The following CTDP1 variants were observed in gnomAD, a reference collection of about 807,000 sequenced individuals.
The protein encoded by CTDP1 is CTD phosphatase 1.
In CTDP1, 47 loss-of-function variants were observed where a neutral mutation model predicts 91.8. That is an observed-to-expected ratio of 0.51 (90% confidence interval 0.41 to 0.65). The LOEUF is 0.65. Ranked by LOEUF, CTDP1 falls within the 30% of genes least tolerant of loss-of-function variation. The pLI, the probability that CTDP1 is intolerant of heterozygous loss-of-function variation, is 0.00. For synonymous variants in CTDP1, 656 were observed against 598.5 expected (o/e 1.10, Z -1.40); for missense variants, 1,272 against 1,373.7 (o/e 0.93, Z 1.17).
At chr18:79,739,860 A>G (rs370916094) in intron 12 of CTDP1, among the ~76,000 whole-genome samples, 679 of 23,158 alleles carry the variant, frequency 0.029, 24 homozygotes, top group African/African-American at 0.089. Context: ...TCTCATACCC[A>G]CGGCCGGGAC....
chr18:79,678,319 T>C (rs890494301), upstream of CTDP1: 1 of 152,240 alleles, frequency 6.6e-6, no homozygotes, highest in African/African-American at 2.4e-5. Flanking sequence ...CAGCTATAAA[T>C]TAACCTAATG....
intron 7 of CTDP1, 140 bp from the exon 8 acceptor site, chr18:79,714,351 C>G: frequency 1.0e-6 from 1 of 959,656 alleles, no homozygotes. Context: ...TGTCCGGCCT[C>G]TTCACAGCAA....
At chr18:79,735,607 C>T (rs1434461459) in intron 11 of CTDP1, 1 of 152,810 alleles carries the variant, frequency 6.5e-6, no homozygotes, top group African/African-American at 2.4e-5. Flanking sequence ...GAGGGGAGAA[C>T]TTGAGTTCAC....
chr18:79,724,937 G>A (rs1361287760), intron 10 of CTDP1, among the ~76,000 whole-genome samples: 1 of 152,148 alleles, frequency 6.6e-6, no homozygotes, highest in East Asian at 1.9e-4. Flanking sequence ...GCACCTGTGT[G>A]GTCTGTTTCT....
At chr18:79,744,650 G>T (rs780055378) in intron 12 of CTDP1, among the ~76,000 whole-genome samples, 1 of 152,206 alleles carries the variant, frequency 6.6e-6, no homozygotes. Flanking sequence ...ATGGAATTAC[G>T]ATGCTAAGAG....
At chr18:79,701,902 G>C (rs866588712) in intron 4 of CTDP1, among the ~76,000 whole-genome samples, 1 of 152,172 alleles carries the variant, frequency 6.6e-6, no homozygotes, top group Non-Finnish European at 1.5e-5. Context: ...ACTGAACTGC[G>C]GCAACTTCAG....
intron 6 of CTDP1, among the ~76,000 whole-genome samples, chr18:79,711,505 C>G (rs2086082764): frequency 6.6e-6 from 1 of 152,078 alleles, no homozygotes; most frequent in Non-Finnish European, 1.5e-5. Flanking sequence ...AGGTGGCAGT[C>G]GAAAGGACCC....
At chr18:79,725,711 G>T (rs570530417) in intron 10 of CTDP1, among the ~76,000 whole-genome samples, 52 of 151,978 alleles carry the variant, frequency 3.4e-4, no homozygotes, top group Non-Finnish European at 4.9e-4. Flanking sequence ...CTTCCCTCCC[G>T]ACCTGACCTG....
intron 4 of CTDP1, chr18:79,702,953 C>G (rs536176623): frequency 6.6e-6 from 1 of 152,476 alleles, no homozygotes; most frequent in African/African-American, 2.4e-5. Context: ...CTGTCCTCTG[C>G]CTCCTCAGTA....
intron 4 of CTDP1, among the ~76,000 whole-genome samples, chr18:79,699,634 A>G (rs1457481361): frequency 2.0e-5 from 3 of 152,220 alleles, no homozygotes; most frequent in East Asian, 3.9e-4. Flanking sequence ...TTATGAAAAT[A>G]CATTCTGCAC....
chr18:79,712,969 T>C lies in CTDP1; in HGVS notation c.864-3T>C, dbSNP rs202180742. 70 of 1,614,022 alleles carry C rather than the reference T, an allele frequency of 4.3e-5. No individual in the cohort carries two copies. In the East Asian group the frequency reaches 1.6e-3, roughly 36 times the overall value. ...TTTGTAAATTATGCATTTTCACTTG[T>C]AGAAATCTCTTTCCTTGTGGAGACT... On this transcript the variant is annotated splice_polypyrimidine_tract_variant and splice_region_variant and intron_variant, in intron 6 of 12. Transcript: ENST00000613122.
chr18:79,696,439 C>T lies in CTDP1; in HGVS notation c.492+369C>T, dbSNP rs139674322. 4.4e-3 allele frequency among the ~76,000 whole-genome samples: 671 copies of T among 152,068 alleles called. 2 individuals are homozygous for T. The highest frequency in any genetic ancestry group is 0.015 in the African/African-American group (605 of 41,458). ...GCTCATGGAGCTCAGGAGGTGGCCGCGCTGCCGAGGCATGTGCTGGATGAC... is the reference window on the plus strand; with the variant it reads ...GCTCATGGAGCTCAGGAGGTGGCCGTGCTGCCGAGGCATGTGCTGGATGAC... On this transcript the variant is annotated intron_variant, in intron 3 of 12. Transcript: ENST00000613122.
chr18:79,683,472 G>A (rs1255529673), intron 1 of CTDP1, among the ~76,000 whole-genome samples: 1 of 152,202 alleles, frequency 6.6e-6, no homozygotes, highest in Non-Finnish European at 1.5e-5. Flanking sequence ...TGCAGAATCT[G>A]CTCCTGGGCT....
Position 79,699,964 on chromosome 18 carries a change from C to G in CTDP1, c.621+1976C>G, listed in dbSNP as rs374999672. On this transcript the variant is annotated intron_variant, in intron 4 of 12. Transcript: ENST00000613122. ...CATAGTTGCTTCATCAGTGTTCTGT[C>G]AGCTATAGGGATTTGTGGTCAGTGA... Among the ~76,000 whole-genome samples the G allele has an allele frequency of 9.2e-5, 14 of 152,252 alleles. No homozygotes were observed. The South Asian group carries it at 2.9e-3, about 32-fold the overall frequency.
At position 79,702,277 on chromosome 18, in the gene CTDP1, G is replaced by GCAGCCATCAC. The variant is rs1199898805; in HGVS notation, c.622-2488_622-2487insGCCATCACCA. Among the ~76,000 whole-genome samples, 4 of 152,206 alleles carry GCAGCCATCAC rather than the reference G, an allele frequency of 2.6e-5. No individual in the cohort carries two copies. In the East Asian group the frequency reaches 7.7e-4, roughly 29 times the overall value. ...CCCTCTGATCAGTCAGCAGCCATCA[G>GCAGCCATCAC]CATCAAGGTGAGACCCTGCGCCGAC... is the stretch of plus-strand genomic sequence containing the variant. On this transcript the variant is annotated intron_variant, in intron 4 of 12. Transcript: ENST00000613122.
intron 4 of CTDP1, among the ~76,000 whole-genome samples, chr18:79,704,472 G>T (rs191706309): frequency 1.3e-5 from 2 of 151,362 alleles, no homozygotes; most frequent in Admixed American, 6.6e-5. Flanking sequence ...CCTCTGTCCC[G>T]TGTGGAGGGG....
At chr18:79,711,615 T>C (rs2086085869) in intron 6 of CTDP1, among the ~76,000 whole-genome samples, 1 of 152,210 alleles carries the variant, frequency 6.6e-6, no homozygotes, top group South Asian at 2.1e-4. Flanking sequence ...AGCGTCAGCA[T>C]CTGAGGTTGA....
intron 11 of CTDP1, among the ~76,000 whole-genome samples, chr18:79,732,390 A>G (rs1303202328): frequency 8.9e-6 from 1 of 112,950 alleles, no homozygotes; most frequent in East Asian, 2.8e-4. Flanking sequence ...TGCTCCCAAA[A>G]TCACGCGAGA....
chr18:79,711,348 G>T (rs915478545), intron 6 of CTDP1, among the ~76,000 whole-genome samples: 5 of 152,126 alleles, frequency 3.3e-5, no homozygotes, highest in Non-Finnish European at 5.9e-5. Flanking sequence ...AGGCAGGCGT[G>T]TGTCCCCACA....
Sources: gnomAD v4.1 joint callset for allele counts (sites outside exome capture counted in the v4.1 genomes callset) on GRCh38, gnomAD v4.1.1 for gene constraint, MANE v1.5 for transcripts, NCBI Gene and HGNC (gene_info 2026-07-23, HGNC 2026-07-21) for gene names.